The following ACOX1 variants were observed in gnomAD, a reference collection of about 807,000 sequenced individuals.
ACOX1 encodes the protein peroxisomal acyl-coenzyme A oxidase 1.
A neutral mutation model predicts 75.5 loss-of-function variants in ACOX1; 41 were observed. That is an observed-to-expected ratio of 0.54 (90% CI 0.42 to 0.70). The LOEUF (loss-of-function observed/expected upper bound fraction) is 0.70, where lower values mean the gene tolerates loss of function less well. Ranked by LOEUF, ACOX1 falls within the 30% of genes least tolerant of loss-of-function variation. ACOX1 has a pLI of 0.00. For synonymous variants in ACOX1, 303 were observed against 298.8 expected (o/e 1.01, Z -0.15); for missense variants, 630 against 837.5 (o/e 0.75, Z 3.06).
Position 75,943,150 on chromosome 17 carries a change from C to T in ACOX1, c.*3598G>A, listed in dbSNP as rs1304617852. On this transcript the variant is annotated 3_prime_UTR_variant, in exon 14 of 14. Coordinates refer to ENST00000293217, the MANE Select transcript of ACOX1 (RefSeq NM_004035.7). ...CTGAGGTGGGAGAATCGCTCGAACC[C>T]GGGAGGTGAAGATTGCAGTGAAGTC... The T allele has an allele frequency of 4.7e-5, 7 of 148,806 alleles. No individual in the cohort carries two copies. The highest frequency in any genetic ancestry group is 1.0e-4 in the African/African-American group (4 of 40,144). The allele number at this position is 148,806 out of a possible 1,614,324, so 9.2% of individuals were successfully genotyped here. A position where few individuals can be genotyped will look rare whatever the true frequency, so the allele number is the denominator to read the frequency against.
At position 75,949,575 on chromosome 17, in the gene ACOX1, G is replaced by T; in HGVS notation, c.1504C>A (p.Leu502Ile). ...TTTCTGTGAATCACTTCTTTTTGAA[G>T]GTTTTTTGCAGCAATTTCTACTAAT... ...ARLVEIAAKN[L>I]QKEVIHRKSK... The change falls in exon 11 of 14, where the codon CTT becomes ATT. Residue 502 changes from leucine (L) to isoleucine (I), a missense_variant. This residue lies in a region of ACOX1 where 240 missense variants were observed against 262.7 expected (regional missense o/e 0.91). Coordinates refer to ENST00000293217, the MANE Select transcript of ACOX1 (RefSeq NM_004035.7). The T allele has an allele frequency of 6.2e-7, 1 of 1,614,140 alleles. No homozygotes were observed.
At position 75,946,710 on chromosome 17, in the gene ACOX1, C is replaced by T. The variant is rs767873073; in HGVS notation, c.*38G>A. 37 of 1,598,834 alleles carry T rather than the reference C, an allele frequency of 2.3e-5. No homozygotes were observed. Among genetic ancestry groups the T allele is most frequent in the Admixed American group, 1.3e-4 (8 of 59,864 alleles). On this transcript the variant is annotated 3_prime_UTR_variant, in exon 14 of 14. Coordinates refer to ENST00000293217, the MANE Select transcript of ACOX1 (RefSeq NM_004035.7). ...CCACAAAATTTGAGTTGCACACAGG[C>T]GCTTTCTGAAGCAGATTAAACTTGT...
At chr17:75,953,829 AT>A (rs1291381358) in intron 6 of ACOX1, among the ~76,000 whole-genome samples, 1 of 152,244 alleles carries the variant, frequency 6.6e-6, no homozygotes, top group Non-Finnish European at 1.5e-5. Context: ...CTTCCAGGTG[AT>A]TCTAACGCAT....
chr17:75,974,226 C>A (rs1228969149), intron 2 of ACOX1, among the ~76,000 whole-genome samples: 1 of 151,618 alleles, frequency 6.6e-6, no homozygotes, highest in Admixed American at 6.6e-5. Context: ...TTATTTATAG[C>A]GCTGTTAACA....
At chr17:75,948,107 A>G in intron 13 of ACOX1, 144 bp downstream of exon 13, 4 of 806,108 alleles carry the variant, frequency 5.0e-6, no homozygotes, top group Non-Finnish European at 8.4e-6. Flanking sequence ...TTCCCTTCTG[A>G]ACCTGTTGCT....
Position 75,972,514 on chromosome 17 carries a change from T to C in ACOX1, c.269+6020A>G, listed in dbSNP as rs2066006162. On this transcript the variant is annotated intron_variant, in intron 2 of 13. Transcript: ENST00000293217. Reference sequence around the variant, plus strand: ...ATACAAAATCAGCCGGGCGTGGTGGTGAGCACCTGTAATTCCAGCTACTCG... The same window carrying C: ...ATACAAAATCAGCCGGGCGTGGTGGCGAGCACCTGTAATTCCAGCTACTCG... Among the ~76,000 whole-genome samples, 4 of 151,680 alleles carry C rather than the reference T, an allele frequency of 2.6e-5. No homozygotes were observed. The South Asian group carries it at 8.3e-4, about 32-fold the overall frequency.
At chr17:75,953,049 G>C (rs1253944185) in intron 7 of ACOX1, among the ~76,000 whole-genome samples, 1 of 152,062 alleles carries the variant, frequency 6.6e-6, no homozygotes, top group Non-Finnish European at 1.5e-5. Context: ...ATAAACTGTG[G>C]CTATGAATGC....
chr17:75,973,446 A>C, intron 2 of ACOX1: 1 of 682,320 alleles, frequency 1.5e-6, no homozygotes, highest in Admixed American at 2.3e-5. Flanking sequence ...TTTATAGGCC[A>C]GAGCCCTGGA....
rs757535673 is a variant in ACOX1 at position 75,960,388 on chromosome 17, A to G, written c.270-13T>C. ...TCGGTGCACAAAACTTCGAGGAAAT[A>G]TCAAGGATGGGCATTTGAGAGAAGA... On this transcript the variant is annotated splice_polypyrimidine_tract_variant and intron_variant, in intron 2 of 13. Transcript: ENST00000293217. The surrounding 1 kb of genome is among the most constrained non-coding windows in gnomAD (Gnocchi z 4.4). 16 of 1,612,726 alleles carry G rather than the reference A, an allele frequency of 9.9e-6. No individual in the cohort carries two copies. The highest frequency in any genetic ancestry group is 1.4e-5 in the Non-Finnish European group (16 of 1,179,878).
intron 2 of ACOX1, among the ~76,000 whole-genome samples, chr17:75,977,835 TAA>T (rs527664623): frequency 6.8e-6 from 1 of 146,106 alleles, no homozygotes. Context: ...GTCGTGCAAC[TAA>T]AAAAAAAAAT....
At chr17:75,977,179 G>A (rs1450262235) in intron 2 of ACOX1, among the ~76,000 whole-genome samples, 2 of 149,272 alleles carry the variant, frequency 1.3e-5, no homozygotes, top group African/African-American at 4.9e-5. Context: ...TGTATTTTTA[G>A]TAGAGAGAGT....
At chr17:75,965,649 C>T (rs990510102) in intron 2 of ACOX1, among the ~76,000 whole-genome samples, 1 of 150,806 alleles carries the variant, frequency 6.6e-6, no homozygotes, top group Non-Finnish European at 1.5e-5. Flanking sequence ...CTGGGCAACA[C>T]AGCAAGATCC....
At chr17:75,949,165 T>G in intron 12 of ACOX1, 52 bp downstream of exon 12, 1 of 1,610,538 alleles carries the variant, frequency 6.2e-7, no homozygotes, top group Non-Finnish European at 8.5e-7. Context: ...CAGCCAACAA[T>G]TATTTTTCTT....
Position 75,979,123 on chromosome 17 carries a change from CA to C in ACOX1, c.-51del. ...TAAGCACCGACCGAGGTGGCAGTGACAATCTAAATCCGCAGCTCCAGCGCCG... is the reference window on the plus strand; with the variant it reads ...TAAGCACCGACCGAGGTGGCAGTGACATCTAAATCCGCAGCTCCAGCGCCG... On this transcript the variant is annotated 5_prime_UTR_variant, in exon 1 of 14. In the 5' UTR this introduces an upstream ATG that the reference lacks. Transcript: ENST00000293217. 1.2e-6 allele frequency: 2 copies of C among 1,602,814 alleles called. No individual in the cohort carries two copies. The highest frequency in any genetic ancestry group is 1.7e-6 in the Non-Finnish European group (2 of 1,179,182).
rs1216961977 is a variant in ACOX1, at chr17:75,956,957, CTCTCTCTCTCTCTCTATATATATATATA to C, written c.538+474_538+501del. On this transcript the variant is annotated intron_variant, in intron 4 of 13. Coordinates refer to ENST00000293217, the MANE Select transcript of ACOX1 (RefSeq NM_004035.7). ...TCTCTCTCTCTCTCTCTCTCTCTCT[CTCTCTCTCTCTCTCTATATATATATATA>C]TATATATATATATATATATATATAC... is the stretch of plus-strand genomic sequence containing the variant. 5.5e-3 allele frequency among the ~76,000 whole-genome samples: 157 copies of C among 28,444 alleles called. 1 individual carries two copies. Among genetic ancestry groups the C allele is most frequent in the Admixed American group, 0.011 (24 of 2,126 alleles). The allele number at this position is 28,444 out of a possible 152,430, so 18.7% of individuals were successfully genotyped here.
intron 2 of ACOX1, among the ~76,000 whole-genome samples, chr17:75,972,327 CAAAA>C (rs58820718): frequency 8.1e-5 from 9 of 110,972 alleles, no homozygotes; most frequent in Admixed American, 4.8e-4. Flanking sequence ...ACTCTGTCTC[CAAAA>C]AAAAAAAAAA....
intron 2 of ACOX1, among the ~76,000 whole-genome samples, chr17:75,967,689 TATAC>T (rs1393161025): frequency 7.2e-6 from 1 of 138,848 alleles, no homozygotes; most frequent in African/African-American, 2.7e-5. Flanking sequence ...TACGTATATA[TATAC>T]ATACATATAT....
At chr17:75,958,776 C>T (rs930709331) in intron 3 of ACOX1, among the ~76,000 whole-genome samples, 35 of 148,836 alleles carry the variant, frequency 2.4e-4, no homozygotes, top group African/African-American at 8.1e-4. Flanking sequence ...CCACTGCACT[C>T]CAGCCTGGGC....
chr17:75,950,637 A>C lies in ACOX1; in HGVS notation c.1298+137T>G. ...CACCACGAAATAAAAACCGTGAGTCAGGATGGAAGGCAAAAGTATACCTTT... is the reference window on the plus strand; with the variant it reads ...CACCACGAAATAAAAACCGTGAGTCCGGATGGAAGGCAAAAGTATACCTTT... On this transcript the variant is annotated intron_variant, in intron 9 of 13. Coordinates refer to ENST00000293217, the MANE Select transcript of ACOX1 (RefSeq NM_004035.7). The surrounding 1 kb of genome is among the most constrained non-coding windows in gnomAD (Gnocchi z 4.3). 2.2e-6 allele frequency: 2 copies of C among 915,922 alleles called. No individual in the cohort carries two copies. Among genetic ancestry groups the C allele is most frequent in the Non-Finnish European group, 3.4e-6 (2 of 593,018 alleles). 56.7% of individuals were successfully genotyped at this position (915,922 alleles called of 1,614,324 possible). A position where few individuals can be genotyped will look rare whatever the true frequency, so the allele number is the denominator to read the frequency against.
Sources: gnomAD v4.1 joint callset for allele counts (sites outside exome capture counted in the v4.1 genomes callset) on GRCh38, gnomAD v4.1.1 for gene constraint, gnomAD v4.1.1 regional missense constraint, Gnocchi (gnomAD v3.1) non-coding constraint, MANE v1.5 for transcripts, NCBI Gene and HGNC (gene_info 2026-07-23, HGNC 2026-07-21) for gene names.